Variants in CTNNBIP1 observed in about 807,000 individuals in gnomAD.
The protein encoded by CTNNBIP1 is beta-catenin-interacting protein 1.
Under a neutral mutation model 11.8 loss-of-function variants are expected in CTNNBIP1, and 7 were observed. The ratio of observed to expected loss-of-function variants is 0.60; its 90% confidence interval spans 0.34 to 1.12. The LOEUF is 1.12. CTNNBIP1 is among the 50% of genes most tolerant of loss of function. The pLI, the probability that CTNNBIP1 is intolerant of heterozygous loss-of-function variation, is 0.03. For synonymous variants in CTNNBIP1, 58 were observed against 43.9 expected (o/e 1.32, Z -1.26); for missense variants, 101 against 113.4 (o/e 0.89, Z 0.50).
chr1:9,908,499 C>T (rs889476251), intron 1 of CTNNBIP1, among the ~76,000 whole-genome samples: 19 of 151,540 alleles, frequency 1.3e-4, no homozygotes, highest in African/African-American at 4.4e-4. Context: ...TCAGCCTCTC[C>T]GAGTAGCTGG....
At chr1:9,892,160 C>T (rs1329907022) in intron 1 of CTNNBIP1, among the ~76,000 whole-genome samples, 2 of 151,756 alleles carry the variant, frequency 1.3e-5, no homozygotes, top group South Asian at 2.1e-4. Flanking sequence ...CGGTGGCTCA[C>T]GCCTCTAATC....
At chr1:9,881,418 C>A (rs1222585784) in intron 2 of CTNNBIP1, among the ~76,000 whole-genome samples, 2 of 141,702 alleles carry the variant, frequency 1.4e-5, no homozygotes, top group African/African-American at 5.3e-5. Flanking sequence ...CAGCTCACTG[C>A]AACCTCCGCC....
At chr1:9,877,202 C>T (rs1272131078) in intron 3 of CTNNBIP1, among the ~76,000 whole-genome samples, 2 of 152,200 alleles carry the variant, frequency 1.3e-5, no homozygotes, top group Non-Finnish European at 2.9e-5. Context: ...TGCTGAAAGT[C>T]ACATGCGGCA....
intron 3 of CTNNBIP1, among the ~76,000 whole-genome samples, chr1:9,876,741 T>C (rs1443112819): frequency 6.6e-6 from 1 of 152,066 alleles, no homozygotes; most frequent in African/African-American, 2.4e-5. Flanking sequence ...CTGCAAAAAG[T>C]GGGTGCCATC....
chr1:9,876,262 C>A (rs1251482212), intron 3 of CTNNBIP1, among the ~76,000 whole-genome samples: 1 of 152,114 alleles, frequency 6.6e-6, no homozygotes, highest in East Asian at 1.9e-4. Context: ...CGCTTCCACT[C>A]CAAATCCTAA....
At chr1:9,906,071 C>T (rs1200602857) in intron 1 of CTNNBIP1, among the ~76,000 whole-genome samples, 1 of 152,216 alleles carries the variant, frequency 6.6e-6, no homozygotes, top group African/African-American at 2.4e-5. Flanking sequence ...GCTAGGTGGT[C>T]TTCTGAGTAT....
intron 1 of CTNNBIP1, among the ~76,000 whole-genome samples, chr1:9,884,922 G>C (rs1030418915): frequency 2.0e-5 from 3 of 152,066 alleles, no homozygotes; most frequent in African/African-American, 7.2e-5. Flanking sequence ...ACTGGGGTGG[G>C]GCTGCGGTGG....
chr1:9,900,945 G>A (rs1472092441), intron 1 of CTNNBIP1, among the ~76,000 whole-genome samples: 1 of 152,176 alleles, frequency 6.6e-6, no homozygotes, highest in Non-Finnish European at 1.5e-5. Context: ...CAGGCTCATA[G>A]GGCCTAGCCA....
At chr1:9,906,324 G>A (rs975522633) in intron 1 of CTNNBIP1, among the ~76,000 whole-genome samples, 1 of 152,122 alleles carries the variant, frequency 6.6e-6, no homozygotes, top group African/African-American at 2.4e-5. Context: ...TTAGGAGGCC[G>A]AGGTGGGTGG....
intron 3 of CTNNBIP1, among the ~76,000 whole-genome samples, chr1:9,875,824 A>G (rs529181922): frequency 1.3e-5 from 2 of 152,278 alleles, no homozygotes; most frequent in Admixed American, 1.3e-4. Context: ...CCCAAACAGA[A>G]ACACCGTGAC....
Position 9,879,055 on chromosome 1 carries a change from G to A in CTNNBIP1, c.-109-1066C>T, listed in dbSNP as rs2004724. ...TACTAAAAATACAAAAAATTAGCTG[G>A]ACGTGGTGGCGGGCGCCTGTAATCC... is the stretch of plus-strand genomic sequence containing the variant. On this transcript the variant is annotated intron_variant, in intron 2 of 5. Transcript: ENST00000377263. Among the ~76,000 whole-genome samples the A allele has an allele frequency of 9.4e-3, 1,431 of 152,196 alleles. 63 individuals carry two copies. Among genetic ancestry groups the A allele is most frequent in the Admixed American group, 0.07 (1,071 of 15,264 alleles).
At position 9,863,280 on chromosome 1, in the gene CTNNBIP1, G is replaced by T. The variant is rs762923786; in HGVS notation, c.187+7907C>A. Among the ~76,000 whole-genome samples the T allele has an allele frequency of 5.0e-4, 76 of 152,096 alleles. 2 individuals are homozygous for T. The highest frequency in any genetic ancestry group is 5.0e-3 in the Admixed American group (76 of 15,272). On this transcript the variant is annotated intron_variant, in intron 5 of 5. Coordinates refer to ENST00000377263, the MANE Select transcript of CTNNBIP1 (RefSeq NM_020248.3). ...TCAATTCAATATATAGGTGATTTTT[G>T]GTTTAATTTTGTTATTAGGTTACAG... is the stretch of plus-strand genomic sequence containing the variant.
intron 5 of CTNNBIP1, among the ~76,000 whole-genome samples, chr1:9,865,774 T>C (rs1638731454): frequency 6.6e-6 from 1 of 152,216 alleles, no homozygotes; most frequent in African/African-American, 2.4e-5. Flanking sequence ...TTTCAAACTT[T>C]TCTGCTCTTT....
chr1:9,865,097 C>T (rs963215619), intron 5 of CTNNBIP1, among the ~76,000 whole-genome samples: 2 of 151,988 alleles, frequency 1.3e-5, no homozygotes, highest in Non-Finnish European at 2.9e-5. Context: ...GGCATGGTGA[C>T]ATGCACCTGT....
intron 2 of CTNNBIP1, among the ~76,000 whole-genome samples, chr1:9,882,103 G>A (rs908232742): frequency 3.3e-5 from 5 of 152,218 alleles, no homozygotes; most frequent in African/African-American, 1.2e-4. Context: ...GCAAAGGGGT[G>A]TAGTGAGCTC....
chr1:9,904,889 C>T (rs1438384292), intron 1 of CTNNBIP1, among the ~76,000 whole-genome samples: 6 of 151,944 alleles, frequency 3.9e-5, no homozygotes, highest in Admixed American at 2.0e-4. Context: ...CTTAGGGACT[C>T]GGAAAAAAGG....
At chr1:9,861,686 A>G (rs1638629970) in intron 5 of CTNNBIP1, among the ~76,000 whole-genome samples, 1 of 152,216 alleles carries the variant, frequency 6.6e-6, no homozygotes, top group African/African-American at 2.4e-5. Flanking sequence ...AGCTCCCAGT[A>G]GAGACATCAG....
intron 3 of CTNNBIP1, among the ~76,000 whole-genome samples, chr1:9,874,960 C>G (rs1257741684): frequency 6.6e-6 from 1 of 152,164 alleles, no homozygotes; most frequent in African/African-American, 2.4e-5. Context: ...GAGTAAAAAC[C>G]TTCCAATTCT....
chr1:9,897,553 G>C (rs1290154798), intron 1 of CTNNBIP1, among the ~76,000 whole-genome samples: 2 of 152,186 alleles, frequency 1.3e-5, no homozygotes, highest in African/African-American at 4.8e-5. Context: ...TCAGGAGGCT[G>C]GGGCAAGAGA....
Sources: gnomAD v4.1 joint callset for allele counts (sites outside exome capture counted in the v4.1 genomes callset) on GRCh38, gnomAD v4.1.1 for gene constraint, MANE v1.5 for transcripts, NCBI Gene and HGNC (gene_info 2026-07-23, HGNC 2026-07-21) for gene names.